SPDYE21: variants seen among roughly 807,000 people sequenced by gnomAD.
SPDYE21 encodes the protein speedy protein E21.
SPDYE21 carries 14 observed loss-of-function variants against 36.2 expected under a neutral mutation model. That is an observed-to-expected ratio of 0.39 (90% CI 0.26 to 0.61). The LOEUF (loss-of-function observed/expected upper bound fraction) is 0.61, where lower values mean the gene tolerates loss of function less well. Ranked by LOEUF, SPDYE21 falls within the 20% of genes least tolerant of loss-of-function variation. The probability of loss-of-function intolerance (pLI) is 0.55; values close to 1 mark genes in which losing one functional copy is unlikely to be tolerated. For synonymous variants in SPDYE21, 58 were observed against 155.1 expected, an observed-to-expected ratio of 0.37 and a Z score of 4.65; for missense variants, 233 against 424.6, an observed-to-expected ratio of 0.55 and a Z score of 3.97.
At position 67,288,485 on chromosome 7, in the gene SPDYE21, ATATT is replaced by A. The variant is rs1215296923; in HGVS notation, c.*1024_*1027del. 3.7e-4 allele frequency among the ~76,000 whole-genome samples: 55 copies of A among 146,938 alleles called. 1 individual carries two copies. Among genetic ancestry groups the A allele is most frequent in the Admixed American group, 4.1e-4 (6 of 14,682 alleles). ...TTATTTATTTAAATATTTATTAAATATATTTATTTATTTAAATATTATTATTACT... is the reference window on the plus strand; with the variant it reads ...TTATTTATTTAAATATTTATTAAATATATTTATTTAAATATTATTATTACT... On this transcript the variant is annotated 3_prime_UTR_variant, in exon 9 of 9. Coordinates refer to ENST00000424157, the MANE Select transcript of SPDYE21 (RefSeq NM_001382715.2).
Position 67,288,317 on chromosome 7 carries a change from G to C in SPDYE21, c.*845G>C, listed in dbSNP as rs1212533985. On this transcript the variant is annotated 3_prime_UTR_variant, in exon 9 of 9. Coordinates refer to ENST00000424157, the MANE Select transcript of SPDYE21 (RefSeq NM_001382715.2). ...CTGGTGATAGAAATTTTTATTTGCT[G>C]TTTAGGTTTGTGACTGAATTGTGAG... is the stretch of plus-strand genomic sequence containing the variant. Among the ~76,000 whole-genome samples the C allele has an allele frequency of 6.8e-6, 1 of 147,284 alleles. No individual in the cohort carries two copies. Among genetic ancestry groups the C allele is most frequent in the East Asian group, 2.0e-4 (1 of 5,074 alleles).
chr7:67,283,416 G>C (rs959522540), intron 5 of SPDYE21, among the ~76,000 whole-genome samples: 2 of 152,310 alleles, frequency 1.3e-5, no homozygotes, highest in East Asian at 1.9e-4. Flanking sequence ...TCACAGGCTT[G>C]AGCAGCCACT....
Position 67,279,918 on chromosome 7 carries a change from C to T in SPDYE21, c.261C>T (p.Ala87=). The T allele has an allele frequency of 6.3e-7, 1 of 1,590,606 alleles. No individual in the cohort carries two copies. Among genetic ancestry groups the T allele is most frequent in the Non-Finnish European group, 8.5e-7 (1 of 1,177,772 alleles). ...AGGAGGAGCCGGAGAAGGAGCTCGC[C>T]CCTGAGCCTGAGGAGACCTGGGTAG... The part of the protein sequence containing the change: ...ESEEEPEKEL[A]PEPEETWVVE... Residue 87 remains alanine (A), a synonymous_variant, in exon 3 of 9, where the codon GCC becomes GCT. Transcript: ENST00000424157.
In SPDYE21 at chr7:67,278,076, G is replaced by A. The variant is rs1463716679; in HGVS notation, c.-422-216G>A. Among the ~76,000 whole-genome samples, 43 of 92,442 alleles carry A rather than the reference G, an allele frequency of 4.7e-4. 11 individuals are homozygous for A. Among genetic ancestry groups the A allele is most frequent in the Non-Finnish European group, 8.8e-5 (4 of 45,480 alleles). The allele number at this position is 92,442 out of a possible 152,430, so 60.6% of individuals were successfully genotyped here. A position where few individuals can be genotyped will look rare whatever the true frequency, so the allele number is the denominator to read the frequency against. On this transcript the variant is annotated intron_variant, in intron 1 of 8. Coordinates refer to ENST00000424157, the MANE Select transcript of SPDYE21 (RefSeq NM_001382715.2). ...CGGCAGAAAAGCTCTGCCAAACTGA[G>A]TGCTCTGATGTGACTTTTTCATCAA...
Position 67,284,361 on chromosome 7 carries a change from A to G in SPDYE21, c.755+363A>G, listed in dbSNP as rs1257712212. Among the ~76,000 whole-genome samples the G allele has an allele frequency of 9.5e-5, 14 of 147,292 alleles. No homozygotes were observed. In the Admixed American group the frequency reaches 9.8e-4, roughly 10 times the overall value. On this transcript the variant is annotated intron_variant, in intron 6 of 8. Transcript: ENST00000424157. The stretch of plus-strand genomic sequence containing the variant: ...CTACTTGGGAGGCTGAGGCAAGAGA[A>G]CCCTTTGAACCCAGGAGGTGGAGGT...
At chr7:67,278,237 T>G (rs1300779879) in intron 1 of SPDYE21, among the ~76,000 whole-genome samples, 55 bp from the exon 2 acceptor site, 1 of 120,560 alleles carries the variant, frequency 8.3e-6, no homozygotes, top group Non-Finnish European at 1.7e-5. Flanking sequence ...TTATAAGGTT[T>G]CATCGTTTCT....
intron 6 of SPDYE21, 27 bp from the exon 7 acceptor site, chr7:67,286,017 G>A: frequency 6.2e-7 from 1 of 1,612,332 alleles, no homozygotes; most frequent in Non-Finnish European, 8.5e-7. Context: ...TGGTGCCCCT[G>A]AGCAGCAACC....
At chr7:67,279,097 C>T (rs1802589024) in intron 2 of SPDYE21, among the ~76,000 whole-genome samples, 1 of 151,046 alleles carries the variant, frequency 6.6e-6, no homozygotes, top group Non-Finnish European at 1.5e-5. Context: ...CCTGTAATCC[C>T]AGCTACTCAG....
chr7:67,282,213 G>A (rs1160516872), intron 4 of SPDYE21, among the ~76,000 whole-genome samples: 1 of 152,188 alleles, frequency 6.6e-6, no homozygotes, highest in African/African-American at 2.4e-5. Context: ...GGTTTCAGCT[G>A]TGCCCTCTGA....
At chr7:67,285,954 G>T (rs563359016) in intron 6 of SPDYE21, 90 bp from the exon 7 acceptor site, 1 of 1,605,302 alleles carries the variant, frequency 6.2e-7, no homozygotes, top group Admixed American at 1.7e-5. Flanking sequence ...AGCTAGGGAC[G>T]GTCCCTTACC....
rs1348480747 is a variant in SPDYE21 at position 67,287,789 on chromosome 7, A to G, written c.*317A>G. 4.0e-5 allele frequency among the ~76,000 whole-genome samples: 6 copies of G among 151,896 alleles called. No homozygotes were observed. The highest frequency in any genetic ancestry group is 8.8e-5 in the Non-Finnish European group (6 of 67,994). ...TTCCTGCGGCACCACCACCCTTTTT[A>G]TATTGCTGAATTCCAACCTCCCTGG... On this transcript the variant is annotated 3_prime_UTR_variant, in exon 9 of 9. Coordinates refer to ENST00000424157, the MANE Select transcript of SPDYE21 (RefSeq NM_001382715.2).
rs1234320295 is a variant in SPDYE21 at position 67,278,652 on chromosome 7, C to A, written c.-62C>A. ...CAGAGCTGTTCTCCACTCCTGACTT[C>A]TCCTAGGCTTGAGAATTGATAACAT... On this transcript the variant is annotated 5_prime_UTR_variant, in exon 2 of 9. Coordinates refer to ENST00000424157, the MANE Select transcript of SPDYE21 (RefSeq NM_001382715.2). 7.0e-6 allele frequency among the ~76,000 whole-genome samples: 1 copy of A among 142,524 alleles called. No individual in the cohort carries two copies. Among genetic ancestry groups the A allele is most frequent in the Admixed American group, 7.3e-5 (1 of 13,770 alleles). 93.5% of individuals were successfully genotyped at this position (142,524 alleles called of 152,430 possible).
chr7:67,288,612 A>G lies in SPDYE21; in HGVS notation c.*1140A>G, dbSNP rs1319147454. Among the ~76,000 whole-genome samples, 3 of 149,726 alleles carry G rather than the reference A, an allele frequency of 2.0e-5. No individual in the cohort carries two copies. In the East Asian group the frequency reaches 5.8e-4, roughly 29 times the overall value. Reference sequence around the variant, plus strand: ...TGGGTATTATAACTGTTATATACACATACATATAATTTTGTTTTCCTTTTT... The same window carrying G: ...TGGGTATTATAACTGTTATATACACGTACATATAATTTTGTTTTCCTTTTT... On this transcript the variant is annotated 3_prime_UTR_variant, in exon 9 of 9. Transcript: ENST00000424157.
chr7:67,287,331 G>A (rs1044059511), intron 8 of SPDYE21, among the ~76,000 whole-genome samples, 187 bp from the exon 9 acceptor site: 8 of 152,200 alleles, frequency 5.3e-5, no homozygotes, highest in African/African-American at 1.9e-4. Flanking sequence ...TTTTGGAGTC[G>A]TGGTCACCAA....
Position 67,285,741 on chromosome 7 carries a change from C to T in SPDYE21, c.756-303C>T, listed in dbSNP as rs534179322. ...AGGGTCTTGCTATGTTGCCCAGGCC[C>T]GTCTCAAACTCCTGGCCTCAAGTGA... On this transcript the variant is annotated intron_variant, in intron 6 of 8. Transcript: ENST00000424157. Among the ~76,000 whole-genome samples the T allele has an allele frequency of 2.0e-3, 310 of 152,182 alleles. 2 individuals carry two copies. The highest frequency in any genetic ancestry group is 5.2e-3 in the African/African-American group (216 of 41,550).
chr7:67,285,763 G>C (rs1392203064), intron 6 of SPDYE21, among the ~76,000 whole-genome samples: 5 of 152,104 alleles, frequency 3.3e-5, no homozygotes, highest in African/African-American at 7.2e-5. Context: ...CTGGCCTCAA[G>C]TGATCCTCCT....
At position 67,284,061 on chromosome 7, in the gene SPDYE21, G is replaced by A; in HGVS notation, c.755+63G>A. ...TGCCCTGGGACAGCGGGGGAAGTGG[G>A]ATTCCAGCCTTTCATTTATTCTTTC... is the stretch of plus-strand genomic sequence containing the variant. On this transcript the variant is annotated intron_variant, in intron 6 of 8. Coordinates refer to ENST00000424157, the MANE Select transcript of SPDYE21 (RefSeq NM_001382715.2). 4.7e-6 allele frequency: 3 copies of A among 636,106 alleles called. No individual in the cohort carries two copies. In the South Asian group the frequency reaches 5.8e-5, roughly 12 times the overall value. The allele number at this position is 636,106 out of a possible 1,614,324, so 39.4% of individuals were successfully genotyped here.
At chr7:67,285,455 A>T (rs532987966) in intron 6 of SPDYE21, among the ~76,000 whole-genome samples, 12 of 151,798 alleles carry the variant, frequency 7.9e-5, no homozygotes, top group Admixed American at 5.9e-4. Flanking sequence ...GAGTGGCCCA[A>T]TCTCAACTCA....
intron 3 of SPDYE21, among the ~76,000 whole-genome samples, chr7:67,280,649 G>A (rs1208369524): frequency 1.5e-4 from 17 of 112,634 alleles, no homozygotes; most frequent in Non-Finnish European, 1.0e-4. Flanking sequence ...CCAAGATAGC[G>A]CCACTGCATT....
Sources: gnomAD v4.1 joint callset for allele counts (sites outside exome capture counted in the v4.1 genomes callset) on GRCh38, gnomAD v4.1.1 for gene constraint, MANE v1.5 for transcripts, NCBI Gene and HGNC (gene_info 2026-07-23, HGNC 2026-07-21) for gene names.